MXRA5: variants seen among roughly 807,000 people sequenced by gnomAD.
The protein encoded by MXRA5 is matrix-remodeling-associated protein 5.
MXRA5 carries 41 observed loss-of-function variants against 112.5 expected under a neutral mutation model. That is an observed-to-expected ratio of 0.36 (90% CI 0.28 to 0.47). The LOEUF (loss-of-function observed/expected upper bound fraction) is 0.47, where lower values mean the gene tolerates loss of function less well. Ranked by LOEUF, MXRA5 falls within the 20% of genes least tolerant of loss-of-function variation. MXRA5 has a pLI of 0.99. For missense variants in MXRA5, 2,150 were observed against 2,251.0 expected (o/e 0.96, Z 0.91); for synonymous variants, 862 against 900.8 (o/e 0.96, Z 0.77).
chrX:3,326,358 A>G (rs1367506709), intron 4 of MXRA5, among the ~76,000 whole-genome samples: 2 of 98,455 alleles, frequency 2.0e-5, no homozygotes, highest in Admixed American at 1.2e-4. Context: ...TATATTTATA[A>G]CTCTGTATAT....
chrX:3,316,083 G>GTGCGGTGGCTCA (rs1569181544), intron 6 of MXRA5, among the ~76,000 whole-genome samples: 2 of 35,210 alleles, frequency 5.7e-5, no homozygotes, highest in African/African-American at 3.0e-4. Context: ...CTGGGGCCGG[G>GTGCGGTGGCTCA]CGCGGCGGAT....
rs1393381703 is a variant in MXRA5, at chrX:3,310,400, T to C, written c.7803A>G (p.Leu2601=). The C allele has an allele frequency of 5.0e-6, 6 of 1,200,833 alleles. No homozygotes were observed. The highest frequency in any genetic ancestry group is 3.6e-5 in the South Asian group (2 of 55,815). Residue 2601 remains leucine, a synonymous_variant, in exon 7 of 7, where the codon CTA becomes CTG. Coordinates refer to ENST00000217939, the MANE Select transcript of MXRA5 (RefSeq NM_015419.4). The part of the protein sequence containing the change: ...QRFYHKADGM[L]HISGLSSVDA... ...CCACCGAGGAGAGACCGCTAATGTG[T>C]AGCATGCCGTCAGCCTTGTGGTAGA...
In MXRA5 at chrX:3,321,497, A is replaced by C; in HGVS notation, c.4188T>G (p.Pro1396=). 1 of 1,211,168 alleles carries C rather than the reference A, an allele frequency of 8.3e-7. No homozygotes were observed. Among genetic ancestry groups the C allele is most frequent in the Non-Finnish European group, 1.1e-6 (1 of 895,177 alleles). Residue 1396 remains proline, a synonymous_variant, in exon 5 of 7, where the codon CCT becomes CCG. Transcript: ENST00000217939. ...AQPGRLQTGI[P]VTTSGENLTD... ...TAAGATTTTCCCCAGAAGTGGTAAC[A>C]GGTATGCCTGTCTGTAGCCTCCCAG... is the stretch of plus-strand genomic sequence containing the variant.
intron 2 of MXRA5, among the ~76,000 whole-genome samples, chrX:3,337,532 T>C (rs1921809696): frequency 8.9e-6 from 1 of 112,035 alleles, no homozygotes; most frequent in Non-Finnish European, 1.9e-5. Flanking sequence ...CATCAATCTA[T>C]CTATAATCCT....
rs145033582 is a variant in MXRA5 at position 3,322,609 on chromosome X, G to A, written c.3076C>T (p.Pro1026Ser). 605 of 1,209,954 alleles carry A rather than the reference G, an allele frequency of 5.0e-4. 1 individual carries two copies. In the African/African-American group the frequency reaches 9.2e-3, roughly 18 times the overall value. Residue 1026 changes from proline to serine, a missense_variant, in exon 5 of 7, where the codon CCA becomes TCA. This residue lies in a region of MXRA5 where 1,485 missense variants were observed against 1,471.6 expected (regional missense o/e 1.01). Transcript: ENST00000217939. ...AGATGTGATTGGCCTGGGACACCTG[G>A]TTCCCCTATAGTAGAATCCTCAAAT... The part of the protein sequence containing the change: ...QLFEDSTIGE[P>S]GVPGQSHLQG...
At chrX:3,315,395 AGATAG>A (rs1921084239) in intron 6 of MXRA5, among the ~76,000 whole-genome samples, 1 of 61,238 alleles carries the variant, frequency 1.6e-5, no homozygotes, top group African/African-American at 8.7e-5. Context: ...GATAGATGAT[AGATAG>A]ATAGATAGAT....
chrX:3,321,359 AG>A lies in MXRA5; in HGVS notation c.4325del (p.Thr1442IlefsTer5). On this transcript the variant is annotated frameshift_variant, in exon 5 of 7. Transcript: ENST00000217939. LOFTEE classifies it high-confidence loss of function. ...CCACCTCCACTTTTATGCTTGAGAG[AG>A]TTGTGGAAGAACCAGCTTCTTCCTG... ...FHQEEAGSSTTLSSIKVEVAS... is the reference protein window; with the variant it reads ...FHQEEAGSSTXLSSIKVEVAS... The A allele has an allele frequency of 8.3e-7, 1 of 1,211,360 alleles. No individual in the cohort carries two copies. Among genetic ancestry groups the A allele is most frequent in the Non-Finnish European group, 1.1e-6 (1 of 895,242 alleles).
rs1921339794 is a variant in MXRA5 at position 3,322,534 on chromosome X, G to C, written c.3151C>G (p.Gln1051Glu). Residue 1051 changes from glutamine to glutamate, a missense_variant, in exon 5 of 7, where the codon CAA becomes GAA. This residue lies in a region of MXRA5 where 1,485 missense variants were observed against 1,471.6 expected (regional missense o/e 1.01). Coordinates refer to ENST00000217939, the MANE Select transcript of MXRA5 (RefSeq NM_015419.4). ...IHLVKSSLSTQDTLLIKKGMK... is the reference protein window; with the variant it reads ...IHLVKSSLSTEDTLLIKKGMK... ...CCCTTTTTAATCAGTAAGGTGTCTT[G>C]AGTGCTTAGACTACTTTTCACAAGG... 1.7e-6 allele frequency: 2 copies of C among 1,211,236 alleles called. No homozygotes were observed. Among genetic ancestry groups the C allele is most frequent in the East Asian group, 5.9e-5 (2 of 33,823 alleles).
rs1231001532 is a variant in MXRA5 at position 3,317,201 on chromosome X, G to T, written c.6480C>A (p.Tyr2160Ter). The T allele has an allele frequency of 8.3e-7, 1 of 1,210,701 alleles. No individual in the cohort carries two copies. The highest frequency in any genetic ancestry group is 1.1e-6 in the Non-Finnish European group (1 of 895,165). The change falls in exon 6 of 7, where the codon TAC becomes TAA. Residue 2160 changes from tyrosine to a stop codon, truncating the protein, a stop_gained. Transcript: ENST00000217939. LOFTEE classifies it high-confidence loss of function. ...TGCAGTCCAGCTTGAGGGTTCCTCCGTACCTGACGTCCGTCCTCCGCGGGG... is the reference window on the plus strand; with the variant it reads ...TGCAGTCCAGCTTGAGGGTTCCTCCTTACCTGACGTCCGTCCTCCGCGGGG... ...GTSPRRTDVR[Y>*]GGTLKLDCSA... is the part of the protein sequence containing the mutation.
chrX:3,309,910 T>C lies in MXRA5; in HGVS notation c.8293A>G (p.Ile2765Val), dbSNP rs1920969035. 9.9e-6 allele frequency: 12 copies of C among 1,209,576 alleles called. No individual in the cohort carries two copies. Among genetic ancestry groups the C allele is most frequent in the Middle Eastern group, 2.3e-4 (1 of 4,373 alleles). ...GACTTATCCGGTAACTCCCACGTGA[T>C]GTCAGCTTTGGGAATCCCCATAGCC... ...CMAMGIPKAD[I>V]TWELPDKSHL... The change falls in exon 7 of 7, where the codon ATC (isoleucine) becomes GTC (valine). Residue 2765 changes from isoleucine (I) to valine (V), a missense_variant. This residue lies in a region of MXRA5 where 178 missense variants were observed against 198.2 expected (regional missense o/e 0.90). Transcript: ENST00000217939.
rs375885065 is a variant in MXRA5, at chrX:3,324,521, G to A, written c.1164C>T (p.Pro388=). The A allele has an allele frequency of 5.4e-5, 65 of 1,209,126 alleles. No homozygotes were observed. Among genetic ancestry groups the A allele is most frequent in the African/African-American group, 1.4e-4 (8 of 56,931 alleles). ...WKLIAYYSEV[P]VKLHRELMLS... is the part of the protein sequence containing the mutation. ...GCATGAGCTCTCTGTGTAGCTTCACGGGAACTTCACTGTAGTATGCTATCA... is the reference window on the plus strand; with the variant it reads ...GCATGAGCTCTCTGTGTAGCTTCACAGGAACTTCACTGTAGTATGCTATCA... The change falls in exon 5 of 7, where the codon CCC becomes CCT. Residue 388 remains proline (P), a synonymous_variant. Transcript: ENST00000217939.
chrX:3,334,788 GA>G (rs1306987449), intron 2 of MXRA5, among the ~76,000 whole-genome samples: 3 of 111,814 alleles, frequency 2.7e-5, no homozygotes, highest in Non-Finnish European at 5.6e-5. Context: ...TTTCAGACCT[GA>G]TTTCAGCTGA....
chrX:3,330,384 G>C lies in MXRA5; in HGVS notation c.343C>G (p.Leu115Val), dbSNP rs1448979884. 1 of 1,196,730 alleles carries C rather than the reference G, an allele frequency of 8.4e-7. No homozygotes were observed. The highest frequency in any genetic ancestry group is 1.8e-5 in the South Asian group (1 of 54,345). The change falls in exon 4 of 7, where the codon CTG becomes GTG. Residue 115 changes from leucine to valine, a missense_variant. Leu to Val is a conservative substitution (Grantham distance 32). This residue lies in a region of MXRA5 where 386 missense variants were observed against 411.0 expected (regional missense o/e 0.94). Transcript: ENST00000217939. ...LQVFKFSYNKLRVITGQTLQG... is the reference protein window; with the variant it reads ...LQVFKFSYNKVRVITGQTLQG... ...AGGGTCTGTCCTGTGATCACTCTCA[G>C]CTTGTTGTAGCTGAACTTGAAAACC...
chrX:3,330,107 G>C lies in MXRA5; in HGVS notation c.620C>G (p.Pro207Arg). The C allele has an allele frequency of 8.3e-7, 1 of 1,209,516 alleles. No individual in the cohort carries two copies. Among genetic ancestry groups the C allele is most frequent in the Non-Finnish European group, 1.1e-6 (1 of 894,413 alleles). The change falls in exon 4 of 7, where the codon CCG becomes CGG. Residue 207 changes from proline to arginine, a missense_variant. By Grantham distance (103) the Pro-to-Arg change is moderately radical. Coordinates refer to ENST00000217939, the MANE Select transcript of MXRA5 (RefSeq NM_015419.4). ...TLPASMLRNM[P>R]LLENLYLQGN... Reference sequence around the variant, plus strand: ...CTGCAAGTAAAGATTCTCCAGAAGCGGCATGTTCCGAAGCATGCTGGCAGG... The same window carrying C: ...CTGCAAGTAAAGATTCTCCAGAAGCCGCATGTTCCGAAGCATGCTGGCAGG...
chrX:3,341,080 A>ACATAATATG (rs1921915999), intron 2 of MXRA5, among the ~76,000 whole-genome samples: 1 of 68,288 alleles, frequency 1.5e-5, no homozygotes, highest in Non-Finnish European at 2.6e-5. Flanking sequence ...AATATATTAT[A>ACATAATATG]TTATACATAA....
At position 3,320,731 on chromosome X, in the gene MXRA5, G is replaced by A. The variant is rs371923940; in HGVS notation, c.4954C>T (p.Pro1652Ser). The A allele has an allele frequency of 1.5e-4, 182 of 1,210,216 alleles. No individual in the cohort carries two copies. The highest frequency in any genetic ancestry group is 1.9e-4 in the Non-Finnish European group (168 of 895,063). The change falls in exon 5 of 7, where the codon CCT becomes TCT. Residue 1652 changes from proline to serine, a missense_variant. Transcript: ENST00000217939. Reference sequence around the variant, plus strand: ...TTGTTCTCTGGCAAAGCCCCAGAAGGATATGTAGTTATTTCCGGTTTGTTG... The same window carrying A: ...TTGTTCTCTGGCAAAGCCCCAGAAGAATATGTAGTTATTTCCGGTTTGTTG... ...WTNKPEITTY[P>S]SGALPENKQF...
At chrX:3,335,110 C>T (rs1483003177) in intron 2 of MXRA5, among the ~76,000 whole-genome samples, 1 of 111,700 alleles carries the variant, frequency 9.0e-6, no homozygotes, top group Non-Finnish European at 1.9e-5. Flanking sequence ...TTTTTAAGTT[C>T]CCATCTTGTG....
At position 3,324,606 on chromosome X, in the gene MXRA5, G is replaced by C; in HGVS notation, c.1079C>G (p.Thr360Arg). 1 of 1,211,189 alleles carries C rather than the reference G, an allele frequency of 8.3e-7. No homozygotes were observed. Among genetic ancestry groups the C allele is most frequent in the East Asian group, 3.0e-5 (1 of 33,825 alleles). ...TGGACACTCAAAGTCCAAGGCAACT[G>C]TTGCATTTATGTCAATATCTGGAGG... ...TDPPDIDINA[T>R]VALDFECPMT... The change falls in exon 5 of 7, where the codon ACA becomes AGA. Residue 360 changes from threonine (T) to arginine (R), a missense_variant. Physicochemically the swap from Thr to Arg is moderately conservative, Grantham distance 71 (BLOSUM62 -1). Around this residue, in one of 6 missense-constraint regions of MXRA5, gnomAD observed 386 missense variants for 411.0 expected, o/e 0.94. Transcript: ENST00000217939.
chrX:3,311,463 T>C lies in MXRA5; in HGVS notation c.6740A>G (p.His2247Arg), dbSNP rs1387318564. The C allele has an allele frequency of 8.3e-7, 1 of 1,209,996 alleles. No homozygotes were observed. Among genetic ancestry groups the C allele is most frequent in the Non-Finnish European group, 1.1e-6 (1 of 895,276 alleles). Reference sequence around the variant, plus strand: ...GACTTTGTGGTCGTTCTCCTCCTTGTGTTCAATCTTGGCCGGTTTCATCAC... The same window carrying C: ...GACTTTGTGGTCGTTCTCCTCCTTGCGTTCAATCTTGGCCGGTTTCATCAC... The part of the protein sequence containing the change: ...DVVMKPAKIE[H>R]KEENDHKVFY... The change falls in exon 7 of 7, where the codon CAC (histidine) becomes CGC (arginine). Residue 2247 changes from histidine (H) to arginine (R), a missense_variant. His to Arg is a conservative substitution (Grantham distance 29). Around this residue, in one of 6 missense-constraint regions of MXRA5, gnomAD observed 1,485 missense variants for 1,471.6 expected, o/e 1.01. Transcript: ENST00000217939.
Sources: gnomAD v4.1 joint callset for allele counts (sites outside exome capture counted in the v4.1 genomes callset) on GRCh38, gnomAD v4.1.1 for gene constraint, gnomAD v4.1.1 regional missense constraint, MANE v1.5 for transcripts, NCBI Gene and HGNC (gene_info 2026-07-23, HGNC 2026-07-21) for gene names.